The following CAPN5 variants were observed in gnomAD, a reference collection of about 807,000 sequenced individuals.
CAPN5 encodes calpain-5.
CAPN5 carries 54 observed loss-of-function variants against 73.0 expected under a neutral mutation model. The ratio of observed to expected loss-of-function variants is 0.74; its 90% CI spans 0.59 to 0.93. CAPN5 has a LOEUF of 0.93. Ranked by LOEUF, CAPN5 falls within the 40% of genes least tolerant of loss-of-function variation. The probability of loss-of-function intolerance (pLI) is 0.00; values close to 1 mark genes in which losing one functional copy is unlikely to be tolerated. For synonymous variants in CAPN5, 335 were observed against 356.9 expected (o/e 0.94, Z 0.69); for missense variants, 785 against 882.9 (o/e 0.89, Z 1.41).
At position 77,122,718 on chromosome 11, in the gene CAPN5, C is replaced by A. The variant is rs1555043126; in HGVS notation, c.1740+6C>A. On this transcript the variant is annotated splice_donor_region_variant and intron_variant, in intron 12 of 12. Transcript: ENST00000648180. Reference sequence around the variant, plus strand: ...GCCAGCCCATCACTGTACAGGTGAGCCCCCTGGTCCAGAGGCCACCTCCTG... The same window carrying A: ...GCCAGCCCATCACTGTACAGGTGAGACCCCTGGTCCAGAGGCCACCTCCTG... 7 of 1,612,434 alleles carry A rather than the reference C, an allele frequency of 4.3e-6. No homozygotes were observed. Among genetic ancestry groups the A allele is most frequent in the Non-Finnish European group, 5.9e-6 (7 of 1,179,434 alleles).
intron 1 of CAPN5, among the ~76,000 whole-genome samples, chr11:77,073,662 C>T (rs1259343908): frequency 2.0e-5 from 3 of 152,218 alleles, no homozygotes; most frequent in Non-Finnish European, 4.4e-5. Context: ...CTCTGTGTCT[C>T]CTAGCAGGAG....
At chr11:77,086,693 C>T (rs964842239) in intron 2 of CAPN5, among the ~76,000 whole-genome samples, 41 of 152,318 alleles carry the variant, frequency 2.7e-4, no homozygotes, top group African/African-American at 9.4e-4. Context: ...GCTGGGCACT[C>T]GAGCTCTTCG....
chr11:77,087,878 C>G (rs984795234), intron 2 of CAPN5: 56 of 1,534,544 alleles, frequency 3.6e-5, no homozygotes, highest in Non-Finnish European at 4.8e-5. Flanking sequence ...GGGTGCCGAC[C>G]TGGGCACCTG....
At chr11:77,109,407 A>C (rs1277807181) in intron 3 of CAPN5, among the ~76,000 whole-genome samples, 1 of 152,094 alleles carries the variant, frequency 6.6e-6, no homozygotes, top group African/African-American at 2.4e-5. Flanking sequence ...TTGATTCCCT[A>C]CCCACCTCCG....
intron 3 of CAPN5, among the ~76,000 whole-genome samples, chr11:77,099,844 GT>G (rs1193486576): frequency 6.6e-6 from 1 of 150,908 alleles, no homozygotes; most frequent in Non-Finnish European, 1.5e-5. Flanking sequence ...GCTTGTTTTG[GT>G]TTTTTTTTGA....
rs1301232704 is a variant in CAPN5 at position 77,117,511 on chromosome 11, C to A, written c.972-646C>A. Among the ~76,000 whole-genome samples the A allele has an allele frequency of 7.2e-5, 11 of 152,218 alleles. No individual in the cohort carries two copies. The East Asian group carries it at 1.9e-3, about 27-fold the overall frequency. ...CTGCTGCAGGAGGCCACCCAGGCCA[C>A]TTTGCCAGTCTTGCTCAGGAGTCAG... is the stretch of plus-strand genomic sequence containing the variant. On this transcript the variant is annotated intron_variant, in intron 7 of 12. Coordinates refer to ENST00000648180, the MANE Select transcript of CAPN5 (RefSeq NM_004055.5).
At chr11:77,085,958 C>T (rs1399222652) in intron 2 of CAPN5, among the ~76,000 whole-genome samples, 5 of 152,162 alleles carry the variant, frequency 3.3e-5, no homozygotes, top group East Asian at 3.9e-4. Flanking sequence ...CTGTGACTCC[C>T]GCAGCCCAGT....
intron 1 of CAPN5, among the ~76,000 whole-genome samples, chr11:77,067,954 C>T (rs570901607): frequency 2.0e-5 from 3 of 152,078 alleles, no homozygotes; most frequent in East Asian, 1.9e-4. Context: ...AACCCGGGTC[C>T]GCCTGGCTCT....
At chr11:77,103,338 C>T (rs782107196) in intron 3 of CAPN5, 1 of 1,601,612 alleles carries the variant, frequency 6.2e-7, no homozygotes, top group Non-Finnish European at 8.5e-7. Context: ...CTGACAGCAG[C>T]TGCCAGCTGC....
intron 5 of CAPN5, 120 bp from the exon 6 acceptor site, chr11:77,115,275 G>GCACAGC (rs1189842975): frequency 3.1e-5 from 23 of 732,826 alleles, no homozygotes; most frequent in Non-Finnish European, 4.6e-5. Flanking sequence ...ACTGCCCCAT[G>GCACAGC]ACTGCAATTC....
chr11:77,093,965 G>C (rs535426444), intron 3 of CAPN5, 152 bp downstream of exon 3: 1 of 1,101,188 alleles, frequency 9.1e-7, no homozygotes, highest in Non-Finnish European at 1.3e-6. Context: ...CTGGCCGAGC[G>C]TCGGAATTGC....
At chr11:77,119,975 A>C (rs1950506694) in intron 9 of CAPN5, 1 of 152,196 alleles carries the variant, frequency 6.6e-6, no homozygotes, top group Non-Finnish European at 1.5e-5. Flanking sequence ...GCAGATCCTG[A>C]TACTTGGTTG....
At chr11:77,123,276 G>A (rs926633805) in intron 12 of CAPN5, among the ~76,000 whole-genome samples, 2 of 152,176 alleles carry the variant, frequency 1.3e-5, no homozygotes, top group African/African-American at 2.4e-5. Context: ...GGGAGCCACT[G>A]TGGCTTATCC....
chr11:77,112,682 T>C lies in CAPN5; in HGVS notation c.391T>C (p.Trp131Arg), dbSNP rs1555040966. The change falls in exon 4 of 13, where the codon TGG becomes CGG. Residue 131 changes from tryptophan (W) to arginine (R), a missense_variant. Trp to Arg is a moderately radical substitution (Grantham distance 101). Coordinates refer to ENST00000648180, the MANE Select transcript of CAPN5 (RefSeq NM_004055.5). The part of the protein sequence containing the change: ...FHFHFWRFGE[W>R]VDVVIDDRLP... ...CTTCCACTTCTGGCGCTTCGGGGAA[T>C]GGGTGGACGTGGTCATCGATGACCG... The C allele has an allele frequency of 1.2e-6, 2 of 1,614,194 alleles. No homozygotes were observed. Among genetic ancestry groups the C allele is most frequent in the Admixed American group, 1.7e-5 (1 of 60,028 alleles).
intron 3 of CAPN5, among the ~76,000 whole-genome samples, chr11:77,111,440 T>G (rs1950409377): frequency 6.6e-6 from 1 of 152,184 alleles, no homozygotes; most frequent in Non-Finnish European, 1.5e-5. Flanking sequence ...GGCCACAGTA[T>G]TGTCATCTGT....
At chr11:77,087,894 A>C in intron 2 of CAPN5, 1 of 1,535,638 alleles carries the variant, frequency 6.5e-7, no homozygotes, top group Non-Finnish European at 8.7e-7. Context: ...ACCTGCCTTC[A>C]GCCCACACCC....
chr11:77,093,603 GTGTCTGTCAT>G lies in CAPN5; in HGVS notation c.166-78_166-69del, dbSNP rs1950175998. The G allele has an allele frequency of 2.5e-6, 3 of 1,186,982 alleles. No homozygotes were observed. The South Asian group carries it at 4.4e-5, about 18-fold the overall frequency. The allele number at this position is 1,186,982 out of a possible 1,614,324, so 73.5% of individuals were successfully genotyped here. ...CAGCAAGTCTGTGTCTGTCACGTCT[GTGTCTGTCAT>G]GTCTCCTGCCATGGGGGGCATCCGC... On this transcript the variant is annotated intron_variant, in intron 2 of 12. Coordinates refer to ENST00000648180, the MANE Select transcript of CAPN5 (RefSeq NM_004055.5).
chr11:77,093,670 C>A lies in CAPN5; in HGVS notation c.166-12C>A, dbSNP rs1555036966. 6.4e-7 allele frequency: 1 copy of A among 1,572,204 alleles called. No homozygotes were observed. The highest frequency in any genetic ancestry group is 1.8e-5 in the Admixed American group (1 of 54,700). Reference sequence around the variant, plus strand: ...CTCCGCCCCTCACGCTCTCTCCTCGCCTTCTCCGCAGGGCATCTGCGAGGA... The same window carrying A: ...CTCCGCCCCTCACGCTCTCTCCTCGACTTCTCCGCAGGGCATCTGCGAGGA... On this transcript the variant is annotated splice_polypyrimidine_tract_variant and intron_variant, in intron 2 of 12. Transcript: ENST00000648180.
At chr11:77,118,114 A>C (rs1950485729) in intron 7 of CAPN5, 43 bp from the exon 8 acceptor site, 1 of 1,552,716 alleles carries the variant, frequency 6.4e-7, no homozygotes, top group South Asian at 1.2e-5. Context: ...GAGCCTGGGG[A>C]GGTGTGGGGG....
Sources: gnomAD v4.1 joint callset for allele counts (sites outside exome capture counted in the v4.1 genomes callset) on GRCh38, gnomAD v4.1.1 for gene constraint, MANE v1.5 for transcripts, NCBI Gene and HGNC (gene_info 2026-07-23, HGNC 2026-07-21) for gene names.